Variants in FER observed in about 807,000 individuals in gnomAD.
FER encodes the protein FER tyrosine kinase, also known as tyrosine-protein kinase Fer.
In FER, 63 loss-of-function variants were observed where a neutral mutation model predicts 111.0. The ratio of observed to expected loss-of-function variants is 0.57; its 90% CI spans 0.46 to 0.70. The LOEUF is 0.70. Ranked by LOEUF, FER falls within the 30% of genes least tolerant of loss-of-function variation. The probability of loss-of-function intolerance (pLI) is 0.00; values close to 1 mark genes in which losing one functional copy is unlikely to be tolerated. For missense variants in FER, 914 were observed against 954.0 expected (o/e 0.96, Z 0.55); for synonymous variants, 327 against 313.9 (o/e 1.04, Z -0.44).
chr5:108,783,371 A>C (rs190967043), intron 2 of FER, among the ~76,000 whole-genome samples: 2 of 152,144 alleles, frequency 1.3e-5, no homozygotes, highest in African/African-American at 4.8e-5. Flanking sequence ...GAGAATTTAC[A>C]ATTGATTGTT....
At chr5:108,759,778 T>A (rs1751516398) in intron 1 of FER, among the ~76,000 whole-genome samples, 2 of 152,228 alleles carry the variant, frequency 1.3e-5, no homozygotes, top group South Asian at 4.1e-4. Flanking sequence ...TCATGAGGAC[T>A]CCACCATCAT....
chr5:109,084,555 T>C (rs1373069282), intron 16 of FER, among the ~76,000 whole-genome samples: 2 of 151,950 alleles, frequency 1.3e-5, no homozygotes, highest in African/African-American at 2.4e-5. Flanking sequence ...CTTATACTTA[T>C]TTGTGTAATG....
rs971720887 is a variant in FER at position 109,190,164 on chromosome 5, C to T, written c.*2589C>T. 1 of 152,048 alleles carries T rather than the reference C, an allele frequency of 6.6e-6. No homozygotes were observed. Among genetic ancestry groups the T allele is most frequent in the African/African-American group, 2.4e-5 (1 of 41,398 alleles). 9.4% of individuals were successfully genotyped at this position (152,048 alleles called of 1,614,324 possible). ...GATAATTAATTATTGGAATTATATA[C>T]TTTAGGAGGCTAATCCATGCCCAGG... On this transcript the variant is annotated 3_prime_UTR_variant, in exon 20 of 20. Transcript: ENST00000281092.
At chr5:108,948,048 A>G (rs995819307) in intron 11 of FER, among the ~76,000 whole-genome samples, 26 of 152,144 alleles carry the variant, frequency 1.7e-4, no homozygotes, top group Non-Finnish European at 3.1e-4. Context: ...AAATGCAACA[A>G]CTATGAATCA....
At chr5:109,128,176 C>G (rs556252387) in intron 17 of FER, among the ~76,000 whole-genome samples, 37 of 151,754 alleles carry the variant, frequency 2.4e-4, no homozygotes, top group Non-Finnish European at 3.7e-4. Context: ...TCCTTCCTTA[C>G]CCAGTGATTG....
intron 13 of FER, among the ~76,000 whole-genome samples, chr5:109,028,431 G>T (rs1350391636): frequency 6.6e-6 from 1 of 152,160 alleles, no homozygotes; most frequent in African/African-American, 2.4e-5. Context: ...AAAATTGATT[G>T]CATCATTATC....
intron 16 of FER, among the ~76,000 whole-genome samples, chr5:109,066,247 A>G (rs1445190368): frequency 6.6e-6 from 1 of 152,142 alleles, no homozygotes; most frequent in Non-Finnish European, 1.5e-5. Context: ...TGTATTTTCT[A>G]TCTTGGGTGC....
At chr5:108,772,006 A>T (rs1423153621) in intron 2 of FER, among the ~76,000 whole-genome samples, 1 of 152,160 alleles carries the variant, frequency 6.6e-6, no homozygotes, top group Non-Finnish European at 1.5e-5. Flanking sequence ...CAACATCAAG[A>T]CACCAGCAGG....
intron 2 of FER, among the ~76,000 whole-genome samples, chr5:108,783,786 G>C (rs1340356073): frequency 6.6e-6 from 1 of 152,110 alleles, no homozygotes; most frequent in Non-Finnish European, 1.5e-5. Flanking sequence ...GGCTGAGTTA[G>C]TGTATATCTA....
In FER at chr5:109,062,191, A is replaced by G. The variant is rs10035252; in HGVS notation, c.1924+14993A>G. ...ATTACTTAGAAATTCAAATTAAGAGAGGACTTTTAAAAGTGACAAGCTATG... is the reference window on the plus strand; with the variant it reads ...ATTACTTAGAAATTCAAATTAAGAGGGGACTTTTAAAAGTGACAAGCTATG... On this transcript the variant is annotated intron_variant, in intron 16 of 19. Coordinates refer to ENST00000281092, the MANE Select transcript of FER (RefSeq NM_005246.4). Among the ~76,000 whole-genome samples the G allele has an allele frequency of 5.5e-3, 837 of 152,286 alleles. 11 individuals are homozygous for G. The highest frequency in any genetic ancestry group is 0.019 in the African/African-American group (772 of 41,556).
chr5:108,752,443 T>C (rs1365782379), intron 1 of FER, among the ~76,000 whole-genome samples: 1 of 152,024 alleles, frequency 6.6e-6, no homozygotes, highest in East Asian at 1.9e-4. Flanking sequence ...ACATCAAAAT[T>C]TGTAAGAGTT....
chr5:108,914,425 T>C (rs929615165), intron 10 of FER, among the ~76,000 whole-genome samples: 4 of 152,216 alleles, frequency 2.6e-5, no homozygotes, highest in Admixed American at 2.6e-4. Context: ...CCTCTTATTC[T>C]TTCTCTTTTA....
At chr5:108,914,231 CTGTGTGTGTGTGTG>C (rs35365353) in intron 10 of FER, among the ~76,000 whole-genome samples, 26 of 141,140 alleles carry the variant, frequency 1.8e-4, no homozygotes, top group African/African-American at 6.1e-4. Flanking sequence ...ACTTGTCTCT[CTGTGTGTGTGTGTG>C]TGTGTGTGTG....
chr5:109,009,044 C>CTTTTTTTTT (rs1030906789), intron 13 of FER, among the ~76,000 whole-genome samples: 9 of 116,014 alleles, frequency 7.8e-5, no homozygotes, highest in African/African-American at 2.7e-4. Flanking sequence ...CCTCTTCAGT[C>CTTTTTTTTT]TTTTTTTTTT....
At chr5:108,780,381 GTT>G (rs35241586) in intron 2 of FER, among the ~76,000 whole-genome samples, 39,071 of 143,848 alleles carry the variant, frequency 0.27, 5,680 homozygotes, top group African/African-American at 0.41. Flanking sequence ...AGGTTAGTGG[GTT>G]TTTTTTTTTT....
At chr5:109,080,137 T>C (rs1024091750) in intron 16 of FER, among the ~76,000 whole-genome samples, 1 of 152,130 alleles carries the variant, frequency 6.6e-6, no homozygotes, top group Non-Finnish European at 1.5e-5. Flanking sequence ...CTCATTAAAC[T>C]TATATGCATG....
intron 13 of FER, among the ~76,000 whole-genome samples, chr5:109,022,398 C>G (rs764284093): frequency 9.2e-5 from 14 of 152,094 alleles, no homozygotes; most frequent in Admixed American, 2.6e-4. Flanking sequence ...GGAAGAGAGA[C>G]AAGTAGGCTT....
chr5:109,172,207 C>G (rs1425917159), intron 17 of FER, among the ~76,000 whole-genome samples: 6 of 151,804 alleles, frequency 4.0e-5, no homozygotes, highest in East Asian at 1.9e-4. Flanking sequence ...CGGCACTATT[C>G]ACAATAGCAA....
chr5:108,759,852 C>T (rs965500773), intron 1 of FER, among the ~76,000 whole-genome samples: 15 of 152,132 alleles, frequency 9.9e-5, no homozygotes, highest in Admixed American at 7.9e-4. Flanking sequence ...ATACAATGAC[C>T]CTGGGGAAGT....
Sources: gnomAD v4.1 joint callset for allele counts (sites outside exome capture counted in the v4.1 genomes callset) on GRCh38, gnomAD v4.1.1 for gene constraint, MANE v1.5 for transcripts, NCBI Gene and HGNC (gene_info 2026-07-23, HGNC 2026-07-21) for gene names.